Variants in SCMH1 observed in about 807,000 individuals in gnomAD.
SCMH1 encodes the protein Scm polycomb group protein homolog 1.
Under a neutral mutation model 70.8 loss-of-function variants are expected in SCMH1, and 37 were observed. That is an observed-to-expected ratio of 0.52 (90% CI 0.40 to 0.69). SCMH1 has a LOEUF of 0.69. Among genes scored for constraint, SCMH1 ranks in the 30% least tolerant of loss-of-function variants. The pLI, the probability that SCMH1 is intolerant of heterozygous loss-of-function variation, is 0.00. For synonymous variants in SCMH1, 292 were observed against 307.4 expected, an observed-to-expected ratio of 0.95 and a Z score of 0.52; for missense variants, 607 against 827.3, an observed-to-expected ratio of 0.73 and a Z score of 3.27.
chr1:41,205,530 G>C (rs544862761), intron 1 of SCMH1, among the ~76,000 whole-genome samples: 2 of 151,986 alleles, frequency 1.3e-5, no homozygotes, highest in Admixed American at 6.6e-5. Flanking sequence ...GCATCCTCGC[G>C]GGGGGGAGGG....
intron 5 of SCMH1, among the ~76,000 whole-genome samples, chr1:41,146,359 TGAA>T (rs1644567017): frequency 6.6e-6 from 1 of 152,158 alleles, no homozygotes; most frequent in Non-Finnish European, 1.5e-5. Flanking sequence ...AACTCTTTAC[TGAA>T]GAATGAAAAA....
intron 4 of SCMH1, among the ~76,000 whole-genome samples, chr1:41,158,883 T>C (rs1248106036): frequency 6.6e-6 from 1 of 152,050 alleles, no homozygotes; most frequent in Non-Finnish European, 1.5e-5. Context: ...AAGTGAAAAA[T>C]AGGCTAACCC....
chr1:41,175,200 T>C (rs1647035692), intron 2 of SCMH1, among the ~76,000 whole-genome samples: 1 of 152,240 alleles, frequency 6.6e-6, no homozygotes, highest in African/African-American at 2.4e-5. Context: ...GTGTGGGCAT[T>C]ATCCAATCCA....
chr1:41,170,281 C>T (rs911195822), intron 2 of SCMH1, among the ~76,000 whole-genome samples: 2 of 152,190 alleles, frequency 1.3e-5, no homozygotes, highest in African/African-American at 2.4e-5. Flanking sequence ...GGTTAAAACC[C>T]TCCTCTCCAT....
intron 1 of SCMH1, among the ~76,000 whole-genome samples, chr1:41,210,370 T>C (rs1294109760): frequency 6.6e-6 from 1 of 152,170 alleles, no homozygotes; most frequent in Non-Finnish European, 1.5e-5. Context: ...TTAAAGTTCG[T>C]ATGGAACCAA....
intron 3 of SCMH1, 130 bp from the exon 4 acceptor site, chr1:41,161,028 C>G (rs1314419031): frequency 9.9e-7 from 1 of 1,006,334 alleles, no homozygotes; most frequent in Non-Finnish European, 1.5e-6. Flanking sequence ...CTAAAAGACA[C>G]TGAGATTCTT....
intron 1 of SCMH1, among the ~76,000 whole-genome samples, chr1:41,233,076 T>C (rs900256964): frequency 2.6e-5 from 4 of 152,170 alleles, no homozygotes; most frequent in Admixed American, 2.6e-4. Flanking sequence ...ACCTAATAGT[T>C]ACAGAACTTG....
chr1:41,062,703 C>T (rs1319994123), intron 10 of SCMH1, among the ~76,000 whole-genome samples: 2 of 149,740 alleles, frequency 1.3e-5, no homozygotes, highest in African/African-American at 4.9e-5. Context: ...CGGGCCACTG[C>T]ACTCCAGCCT....
At chr1:41,123,379 G>A (rs1156460883) in intron 6 of SCMH1, among the ~76,000 whole-genome samples, 1 of 152,162 alleles carries the variant, frequency 6.6e-6, no homozygotes, top group Non-Finnish European at 1.5e-5. Context: ...ACTAAAGCAT[G>A]TGACCAAATT....
chr1:41,156,307 C>T (rs1645537475), intron 4 of SCMH1, among the ~76,000 whole-genome samples: 1 of 152,200 alleles, frequency 6.6e-6, no homozygotes, highest in African/African-American at 2.4e-5. Context: ...TTCTTAAAAA[C>T]AATTAAGCAT....
intron 2 of SCMH1, among the ~76,000 whole-genome samples, chr1:41,168,889 T>C (rs184042437): frequency 6.6e-5 from 10 of 152,226 alleles, no homozygotes; most frequent in African/African-American, 2.2e-4. Flanking sequence ...CACAATACCG[T>C]AGAGTAGGAG....
chr1:41,054,798 C>T (rs959247170), intron 10 of SCMH1, among the ~76,000 whole-genome samples: 1 of 152,138 alleles, frequency 6.6e-6, no homozygotes, highest in Admixed American at 6.5e-5. Context: ...TTTTAAATTA[C>T]AGACAGGGTC....
At chr1:41,230,561 G>T (rs754888417) in intron 1 of SCMH1, among the ~76,000 whole-genome samples, 4 of 151,910 alleles carry the variant, frequency 2.6e-5, no homozygotes, top group Non-Finnish European at 5.9e-5. Flanking sequence ...AGAAGGCTGA[G>T]GGAAGAGGAT....
At chr1:41,037,492 G>C in exon 13 of SCMH1, 2 of 1,614,248 alleles carry the variant, frequency 1.2e-6, no homozygotes, top group Non-Finnish European at 1.7e-6. Context: ...TTGAGTCTGA[G>C]TGTGGTTCCA....
At chr1:41,070,648 G>A in exon 10 of SCMH1, 1 of 1,614,130 alleles carries the variant, frequency 6.2e-7, no homozygotes, top group South Asian at 1.1e-5. Context: ...CTGGGGTACA[G>A]TGCTGGTATC....
At chr1:41,130,042 A>G (rs1321643691) in intron 6 of SCMH1, among the ~76,000 whole-genome samples, 1 of 152,164 alleles carries the variant, frequency 6.6e-6, no homozygotes, top group African/African-American at 2.4e-5. Flanking sequence ...GTGAAGTGTC[A>G]TCTCAATGCA....
chr1:41,167,640 C>T (rs529455005), intron 2 of SCMH1, among the ~76,000 whole-genome samples: 6 of 152,134 alleles, frequency 3.9e-5, no homozygotes, highest in Non-Finnish European at 8.8e-5. Flanking sequence ...TTCTGGTTGT[C>T]CAATTTGTTG....
At chr1:41,034,203 GAGCCCTT>G (rs979690981) in intron 13 of SCMH1, among the ~76,000 whole-genome samples, 155 bp from the exon 14 acceptor site, 1 of 131,442 alleles carries the variant, frequency 7.6e-6, no homozygotes, top group African/African-American at 2.8e-5. Flanking sequence ...CTCTACTTGA[GAGCCCTT>G]TAGATTCCAT....
At chr1:41,195,433 A>C (rs938694248) in intron 1 of SCMH1, among the ~76,000 whole-genome samples, 4 of 152,062 alleles carry the variant, frequency 2.6e-5, no homozygotes, top group African/African-American at 9.7e-5. Context: ...CAATTAACAT[A>C]ATATACCATA....
Sources: allele counts gnomAD v4.1 joint callset (sites outside exome capture counted in the v4.1 genomes callset), GRCh38; gene constraint gnomAD v4.1.1; transcripts MANE v1.5; gene names NCBI Gene and HGNC (gene_info 2026-07-23, HGNC 2026-07-21).